Variants in GABRA1 observed in about 807,000 individuals in gnomAD.
GABRA1 encodes gamma-aminobutyric acid type A receptor subunit alpha1, also known as gamma-aminobutyric acid receptor subunit alpha-1.
Under a neutral mutation model 48.9 loss-of-function variants are expected in GABRA1, and 9 were observed. That is an observed-to-expected ratio of 0.18 (90% confidence interval 0.11 to 0.32). GABRA1 has a LOEUF of 0.32. Among genes scored for constraint, GABRA1 ranks in the 10% least tolerant of loss-of-function variants. The probability of loss-of-function intolerance (pLI) is 1.00; values close to 1 mark genes in which losing one functional copy is unlikely to be tolerated. For missense variants in GABRA1, 285 were observed against 553.8 expected, an observed-to-expected ratio of 0.51 and a Z score of 4.87; for synonymous variants, 210 against 198.7, an observed-to-expected ratio of 1.06 and a Z score of -0.48.
chr5:161,861,813 C>A (rs1434774896), intron 3 of GABRA1, among the ~76,000 whole-genome samples: 1 of 151,782 alleles, frequency 6.6e-6, no homozygotes, highest in African/African-American at 2.4e-5. Flanking sequence ...CCAAACAGGA[C>A]CATTTTAAAG....
intron 6 of GABRA1, among the ~76,000 whole-genome samples, chr5:161,876,572 T>A (rs1002719541): frequency 2.6e-5 from 4 of 152,152 alleles, no homozygotes; most frequent in Admixed American, 6.6e-5. Flanking sequence ...GCAAAAGGCC[T>A]TCGGGCTCCT....
chr5:161,847,253 A>T (rs1340956445), upstream of GABRA1: 1 of 152,132 alleles, frequency 6.6e-6, no homozygotes, highest in Non-Finnish European at 1.5e-5. Context: ...ACTTCTAAAA[A>T]TTCCTCCTCT....
intron 7 of GABRA1, among the ~76,000 whole-genome samples, chr5:161,883,837 A>C (rs1754721289): frequency 6.6e-6 from 1 of 152,110 alleles, no homozygotes; most frequent in African/African-American, 2.4e-5. Context: ...CTTGCTTAGA[A>C]GCCCTCATTG....
intron 6 of GABRA1, among the ~76,000 whole-genome samples, chr5:161,876,024 T>C (rs1754335651): frequency 6.6e-6 from 1 of 152,102 alleles, no homozygotes; most frequent in Non-Finnish European, 1.5e-5. Context: ...TTAAAAATAA[T>C]TAAATTCGTT....
At position 161,873,296 on chromosome 5, in the gene GABRA1, C is replaced by G; in HGVS notation, c.435C>G (p.Leu145=). 8.7e-6 allele frequency: 14 copies of G among 1,613,762 alleles called. No homozygotes were observed. Among genetic ancestry groups the G allele is most frequent in the Non-Finnish European group, 1.2e-5 (14 of 1,179,802 alleles). The change falls in exon 5 of 10, where the codon CTC becomes CTG. Residue 145 remains leucine, a synonymous_variant. Transcript: ENST00000393943. The part of the protein sequence containing the change: ...VAHNMTMPNK[L]LRITEDGTLL... ...ACAACATGACCATGCCCAACAAACT[C>G]CTGCGGATCACAGAGGATGGCACCT...
At chr5:161,892,137 T>G (rs1403277329) in intron 8 of GABRA1, among the ~76,000 whole-genome samples, 1 of 152,174 alleles carries the variant, frequency 6.6e-6, no homozygotes, top group African/African-American at 2.4e-5. Context: ...TGAAAATAAT[T>G]GAAATGGGAG....
At chr5:161,864,240 A>G (rs1757968093) in intron 3 of GABRA1, among the ~76,000 whole-genome samples, 1 of 152,124 alleles carries the variant, frequency 6.6e-6, no homozygotes, top group South Asian at 2.1e-4. Flanking sequence ...TTTAGGGTAC[A>G]TGTGCGCATT....
chr5:161,850,979 C>T (rs1757426025), intron 2 of GABRA1, 95 bp downstream of exon 2: 6 of 1,031,520 alleles, frequency 5.8e-6, no homozygotes, highest in Non-Finnish European at 7.6e-6. Flanking sequence ...GAATTTATGA[C>T]TAAGGGAATT....
chr5:161,862,919 G>A (rs940185545), intron 3 of GABRA1, among the ~76,000 whole-genome samples: 1 of 151,768 alleles, frequency 6.6e-6, no homozygotes, highest in Non-Finnish European at 1.5e-5. Context: ...GCTTGTTCTC[G>A]AGAAAAATCA....
chr5:161,888,943 G>A (rs1302685127), intron 7 of GABRA1, among the ~76,000 whole-genome samples: 2 of 151,938 alleles, frequency 1.3e-5, no homozygotes, highest in Admixed American at 1.3e-4. Flanking sequence ...AAATACTGAG[G>A]ATATGGCCGG....
At position 161,897,164 on chromosome 5, in the gene GABRA1, A is replaced by G; in HGVS notation, c.1113A>G (p.Thr371=). The G allele has an allele frequency of 4.3e-6, 7 of 1,614,118 alleles. No homozygotes were observed. The highest frequency in any genetic ancestry group is 5.1e-6 in the Non-Finnish European group (6 of 1,180,004). The change falls in exon 10 of 10, where the codon ACA becomes ACG. Residue 371 remains threonine (T), a synonymous_variant. Coordinates refer to ENST00000393943, the MANE Select transcript of GABRA1 (RefSeq NM_001127644.2). Reference sequence around the variant, plus strand: ...AGAAAAACAACACTTACGCTCCAACAGCAACCAGCTACACCCCTAATTTGG... The same window carrying G: ...AGAAAAACAACACTTACGCTCCAACGGCAACCAGCTACACCCCTAATTTGG... The part of the protein sequence containing the change: ...LIKKNNTYAP[T]ATSYTPNLAR...
chr5:161,875,816 A>G (rs561710133), intron 6 of GABRA1, among the ~76,000 whole-genome samples, 174 bp downstream of exon 6: 22 of 152,286 alleles, frequency 1.4e-4, no homozygotes, highest in Admixed American at 1.2e-3. Context: ...TGTTGCTTCA[A>G]GAGAGAGCTT....
chr5:161,864,922 A>T (rs2113351100), intron 3 of GABRA1, among the ~76,000 whole-genome samples: 1 of 152,072 alleles, frequency 6.6e-6, no homozygotes, highest in African/African-American at 2.4e-5. Context: ...AAAATTATAA[A>T]GTCATATTTT....
chr5:161,864,139 G>A (rs184426173), intron 3 of GABRA1, among the ~76,000 whole-genome samples: 6 of 152,028 alleles, frequency 3.9e-5, no homozygotes, highest in Admixed American at 3.3e-4. Flanking sequence ...CTTTTAAAAG[G>A]GTAAACTGCA....
chr5:161,871,629 T>C (rs554809972), intron 4 of GABRA1, among the ~76,000 whole-genome samples: 2 of 152,202 alleles, frequency 1.3e-5, no homozygotes, highest in East Asian at 3.9e-4. Context: ...GTGCCCAAGC[T>C]TAAACAGTCC....
chr5:161,897,405 C>T lies in GABRA1; in HGVS notation c.1354C>T (p.Pro452Ser), dbSNP rs776405072. ...AAACAGAGAGCCTCAGCTAAAAGCCCCCACACCACATCAATAGATCTTTTA... is the reference window on the plus strand; with the variant it reads ...AAACAGAGAGCCTCAGCTAAAAGCCTCCACACCACATCAATAGATCTTTTA... ...YLNREPQLKA[P>S]TPHQ Residue 452 changes from proline (P) to serine (S), a missense_variant, in exon 10 of 10, where the codon CCC (proline) becomes TCC (serine). Physicochemically the swap from Pro to Ser is moderately conservative, Grantham distance 74. Around this residue, in one of 6 missense-constraint regions of GABRA1, gnomAD observed 16 missense variants for 16.5 expected, o/e 0.97. Transcript: ENST00000393943. 6.2e-7 allele frequency: 1 copy of T among 1,613,910 alleles called. No homozygotes were observed. The highest frequency in any genetic ancestry group is 1.1e-5 in the South Asian group (1 of 91,086).
intron 3 of GABRA1, among the ~76,000 whole-genome samples, chr5:161,860,735 C>T (rs1273660791): frequency 6.6e-6 from 1 of 151,626 alleles, no homozygotes; most frequent in Non-Finnish European, 1.5e-5. Flanking sequence ...TGTATCAAAA[C>T]ATCTCATGTA....
At chr5:161,855,958 TTAAA>T (rs1460431752) in intron 3 of GABRA1, among the ~76,000 whole-genome samples, 2 of 151,402 alleles carry the variant, frequency 1.3e-5, no homozygotes, top group African/African-American at 4.8e-5. Context: ...CTTCAATTTA[TTAAA>T]TAGTTTTACA....
intron 8 of GABRA1, among the ~76,000 whole-genome samples, chr5:161,895,191 T>C (rs1755305641): frequency 6.6e-6 from 1 of 152,096 alleles, no homozygotes; most frequent in Admixed American, 6.5e-5. Context: ...CCCCGAATAG[T>C]TCAATTATCT....
Sources: gnomAD v4.1 joint callset for allele counts (sites outside exome capture counted in the v4.1 genomes callset) on GRCh38, gnomAD v4.1.1 for gene constraint, gnomAD v4.1.1 regional missense constraint, MANE v1.5 for transcripts, NCBI Gene and HGNC (gene_info 2026-07-23, HGNC 2026-07-21) for gene names.